The following ANKRD44 variants were observed in gnomAD, a reference collection of about 807,000 sequenced individuals.
ANKRD44 encodes the protein serine/threonine-protein phosphatase 6 regulatory ankyrin repeat subunit B.
Under a neutral mutation model 116.0 loss-of-function variants are expected in ANKRD44, and 35 were observed. The ratio of observed to expected loss-of-function variants is 0.30; its 90% CI spans 0.23 to 0.40. ANKRD44 has a LOEUF of 0.40. Among genes scored for constraint, ANKRD44 ranks in the 10% least tolerant of loss-of-function variants. The pLI, the probability that ANKRD44 is intolerant of heterozygous loss-of-function variation, is 1.00. For synonymous variants in ANKRD44, 435 were observed against 461.8 expected (o/e 0.94, Z 0.74); for missense variants, 1,014 against 1,242.6 (o/e 0.82, Z 2.77).
intron 16 of ANKRD44, among the ~76,000 whole-genome samples, chr2:197,060,198 C>T (rs866148158): frequency 6.6e-6 from 1 of 152,164 alleles, no homozygotes; most frequent in Admixed American, 6.5e-5. Context: ...TGCCAACTCC[C>T]ACTGAGATAG....
At chr2:197,029,169 C>T (rs1182951690) in intron 16 of ANKRD44, 1 of 192,570 alleles carries the variant, frequency 5.2e-6, no homozygotes, top group African/African-American at 2.4e-5. Flanking sequence ...GTGATGTTCC[C>T]CTTCCCATGT....
chr2:197,044,646 A>T (rs1254501231), intron 16 of ANKRD44, among the ~76,000 whole-genome samples: 1 of 152,200 alleles, frequency 6.6e-6, no homozygotes, highest in Non-Finnish European at 1.5e-5. Flanking sequence ...GGTGTGAGCC[A>T]CCGCACCCAG....
intron 22 of ANKRD44, among the ~76,000 whole-genome samples, chr2:197,000,909 G>A (rs970911359): frequency 3.3e-5 from 5 of 152,132 alleles, no homozygotes; most frequent in Non-Finnish European, 7.4e-5. Context: ...GTGGTGGCGC[G>A]CACCTGTAGT....
Position 196,988,278 on chromosome 2 carries a change from GTGCTTCTTCAACACTGAACC to G in ANKRD44, c.*1293_*1312del. 1 of 985,396 alleles carries G rather than the reference GTGCTTCTTCAACACTGAACC, an allele frequency of 1.0e-6. No homozygotes were observed. Among genetic ancestry groups the G allele is most frequent in the Middle Eastern group, 5.2e-4 (1 of 1,914 alleles). 61.0% of individuals were successfully genotyped at this position (985,396 alleles called of 1,614,324 possible). ...CTAGAAAAAGACACCGCAGCATATTGTGCTTCTTCAACACTGAACCTCTCTTAATTTTCAGTGTTTTGGTA... is the reference window on the plus strand; with the variant it reads ...CTAGAAAAAGACACCGCAGCATATTGTCTCTTAATTTTCAGTGTTTTGGTA... On this transcript the variant is annotated 3_prime_UTR_variant, in exon 28 of 28. Transcript: ENST00000282272.
At chr2:196,985,950 T>C (rs183315868), downstream of ANKRD44, among the ~76,000 whole-genome samples, 6 of 152,290 alleles carry the variant, frequency 3.9e-5, no homozygotes, top group East Asian at 1.2e-3. Flanking sequence ...TGAAGGGTAA[T>C]GGTGACAATA....
rs561657630 is a variant in ANKRD44, at chr2:197,257,209, G to T, written c.27+53369C>A. Among the ~76,000 whole-genome samples the T allele has an allele frequency of 2.3e-3, 346 of 152,282 alleles. 5 individuals carry two copies. The highest frequency in any genetic ancestry group is 7.9e-3 in the African/African-American group (328 of 41,560). On this transcript the variant is annotated intron_variant, in intron 1 of 27. Transcript: ENST00000282272. ...GATTTCTTTATAGTAAAGGTGATTA[G>T]CTCTCTTTCAGATCATTTTGCAAAG...
At chr2:197,049,641 T>G (rs996113053) in intron 16 of ANKRD44, among the ~76,000 whole-genome samples, 31 of 152,116 alleles carry the variant, frequency 2.0e-4, no homozygotes, top group Non-Finnish European at 2.4e-4. Flanking sequence ...GAATCTCTAC[T>G]GTATGATTTT....
chr2:197,114,775 T>A (rs2078669511), intron 8 of ANKRD44, among the ~76,000 whole-genome samples: 1 of 152,092 alleles, frequency 6.6e-6, no homozygotes, highest in Admixed American at 6.5e-5. Flanking sequence ...CGGTTAGGGG[T>A]GGGGTCAAAT....
chr2:197,297,204 A>C (rs1411786100), intron 1 of ANKRD44, among the ~76,000 whole-genome samples: 1 of 152,234 alleles, frequency 6.6e-6, no homozygotes, highest in African/African-American at 2.4e-5. Context: ...GATAAAACCA[A>C]AATGAAAGAA....
chr2:197,149,241 C>T (rs1339776670), intron 2 of ANKRD44, among the ~76,000 whole-genome samples: 1 of 152,092 alleles, frequency 6.6e-6, no homozygotes, highest in Non-Finnish European at 1.5e-5. Flanking sequence ...CTATTCCAAC[C>T]CAAATTATGA....
intron 1 of ANKRD44, among the ~76,000 whole-genome samples, chr2:197,189,788 C>T (rs1016432425): frequency 2.6e-5 from 4 of 152,114 alleles, no homozygotes; most frequent in African/African-American, 9.7e-5. Flanking sequence ...GTTAAGATTC[C>T]GGGGAACAAA....
At chr2:196,991,406 T>C (rs2075913597) in intron 27 of ANKRD44, among the ~76,000 whole-genome samples, 1 of 152,180 alleles carries the variant, frequency 6.6e-6, no homozygotes, top group Non-Finnish European at 1.5e-5. Flanking sequence ...TTAGAAAAGA[T>C]ATTGAAAATT....
chr2:197,057,912 A>T (rs1175504391), intron 16 of ANKRD44, among the ~76,000 whole-genome samples: 1 of 152,122 alleles, frequency 6.6e-6, no homozygotes, highest in Non-Finnish European at 1.5e-5. Context: ...TTTTTTGATG[A>T]TTTCTTTGTC....
chr2:197,040,321 T>C (rs1350909493), intron 16 of ANKRD44, among the ~76,000 whole-genome samples: 1 of 151,744 alleles, frequency 6.6e-6, no homozygotes, highest in Non-Finnish European at 1.5e-5. Flanking sequence ...TTAAGGGCAA[T>C]TTCTCTGTGA....
At chr2:197,112,770 T>A (rs759023867) in intron 8 of ANKRD44, among the ~76,000 whole-genome samples, 1 of 151,478 alleles carries the variant, frequency 6.6e-6, no homozygotes, top group Admixed American at 6.6e-5. Context: ...GAAATATGAA[T>A]TCTGTACCTT....
intron 17 of ANKRD44, among the ~76,000 whole-genome samples, chr2:197,018,345 TCA>T (rs1044017081): frequency 5.3e-5 from 8 of 152,112 alleles, no homozygotes; most frequent in Non-Finnish European, 1.2e-4. Flanking sequence ...GTCCCCTCAC[TCA>T]CTCTGTTCCA....
chr2:197,297,687 C>T (rs1025717108), intron 1 of ANKRD44, among the ~76,000 whole-genome samples: 2 of 152,128 alleles, frequency 1.3e-5, no homozygotes, highest in African/African-American at 4.8e-5. Flanking sequence ...ACAACTCACA[C>T]GGAGCATTTT....
At chr2:197,260,561 A>G (rs2082574867) in intron 1 of ANKRD44, among the ~76,000 whole-genome samples, 1 of 152,000 alleles carries the variant, frequency 6.6e-6, no homozygotes, top group African/African-American at 2.4e-5. Context: ...ATGTGTCTTT[A>G]TAGCAGCATG....
intron 1 of ANKRD44, among the ~76,000 whole-genome samples, chr2:197,233,567 T>G (rs766239222): frequency 6.6e-6 from 1 of 152,216 alleles, no homozygotes; most frequent in Non-Finnish European, 1.5e-5. Context: ...GGTCTCACTA[T>G]GTTGTGTCCA....
Sources: allele counts gnomAD v4.1 joint callset (sites outside exome capture counted in the v4.1 genomes callset), GRCh38; gene constraint gnomAD v4.1.1; transcripts MANE v1.5; gene names NCBI Gene and HGNC (gene_info 2026-07-23, HGNC 2026-07-21).